PCDHGA5: variants seen among roughly 807,000 people sequenced by gnomAD.
PCDHGA5 encodes protocadherin gamma-A5.
A neutral mutation model predicts 56.7 loss-of-function variants in PCDHGA5; 36 were observed. The observed-to-expected ratio is 0.64, with a 90% CI of 0.49 to 0.84. The LOEUF (loss-of-function observed/expected upper bound fraction) is 0.84, where lower values mean the gene tolerates loss of function less well. Among genes scored for constraint, PCDHGA5 ranks in the 40% least tolerant of loss-of-function variants. PCDHGA5 has a pLI of 0.00. For missense variants in PCDHGA5, 1,305 were observed against 1,201.5 expected, an observed-to-expected ratio of 1.09 and a Z score of -1.27; for synonymous variants, 563 against 520.2, an observed-to-expected ratio of 1.08 and a Z score of -1.12.
In PCDHGA5 at chr5:141,431,931, C is replaced by T. The variant is rs2097430107; in HGVS notation, c.2422-62876C>T. ...ATCTGTTTCATCCAAGGAAATCTGCCCTTTAAATTAGAAAAATCTTACGGA... is the reference window on the plus strand; with the variant it reads ...ATCTGTTTCATCCAAGGAAATCTGCTCTTTAAATTAGAAAAATCTTACGGA... On this transcript the variant is annotated intron_variant, in intron 1 of 3. Transcript: ENST00000518069. This position sits in a 1 kb window ranked among gnomAD's most constrained non-coding sequence, Gnocchi z 4.8. The T allele has an allele frequency of 6.2e-7, 1 of 1,613,924 alleles. No homozygotes were observed. Among genetic ancestry groups the T allele is most frequent in the Admixed American group, 1.7e-5 (1 of 59,986 alleles).
intron 1 of PCDHGA5, among the ~76,000 whole-genome samples, chr5:141,447,787 T>C (rs1025269338): frequency 1.3e-5 from 2 of 152,106 alleles, no homozygotes; most frequent in Non-Finnish European, 2.9e-5. Context: ...TGAAAATAAA[T>C]TTAAGAAAAT....
Position 141,491,797 on chromosome 5 carries a change from G to C in PCDHGA5, c.2422-3010G>C, listed in dbSNP as rs537755017. The C allele has an allele frequency of 7.9e-5, 119 of 1,506,700 alleles. No homozygotes were observed. In the Admixed American group the frequency reaches 1.4e-3, roughly 18 times the overall value. 93.3% of individuals were successfully genotyped at this position (1,506,700 alleles called of 1,614,324 possible). On this transcript the variant is annotated intron_variant, in intron 1 of 3. Coordinates refer to ENST00000518069, the MANE Select transcript of PCDHGA5 (RefSeq NM_018918.3). The surrounding 1 kb of genome is among the most constrained non-coding windows in gnomAD (Gnocchi z 6.9). The stretch of plus-strand genomic sequence containing the variant: ...ATTGAACTTGCATCCACTCCTCTCC[G>C]GCCGGCTTGGTCGCTGGCTGCGCTC...
chr5:141,404,240 C>T, intron 1 of PCDHGA5: 1 of 1,613,660 alleles, frequency 6.2e-7, no homozygotes, highest in East Asian at 2.2e-5. Context: ...CAGAGGAACT[C>T]CGCCCCTGTC....
chr5:141,371,752 A>G, intron 1 of PCDHGA5: 1 of 1,614,006 alleles, frequency 6.2e-7, no homozygotes, highest in Non-Finnish European at 8.5e-7. Flanking sequence ...CCCGTTTTCC[A>G]CCAGGCCTCC....
At chr5:141,402,580 T>C (rs1217508250) in intron 1 of PCDHGA5, among the ~76,000 whole-genome samples, 3 of 152,226 alleles carry the variant, frequency 2.0e-5, no homozygotes, top group South Asian at 4.1e-4. Context: ...CTCAGATATC[T>C]AAAAAATAGA....
rs1764180285 is a variant in PCDHGA5, at chr5:141,365,877, C to G, written c.1547C>G (p.Ala516Gly). 1.2e-6 allele frequency: 2 copies of G among 1,614,008 alleles called. No homozygotes were observed. The highest frequency in any genetic ancestry group is 4.5e-5 in the East Asian group (2 of 44,904). The change falls in exon 1 of 4, where the codon GCT (alanine) becomes GGT (glycine). Residue 516 changes from alanine (A) to glycine (G), a missense_variant. Transcript: ENST00000518069. Reference protein sequence around the residue: ...SINSDTGVLYALRSFDYEQLR... With the variant: ...SINSDTGVLYGLRSFDYEQLR... ...AACTCTGACACCGGTGTCCTGTATGCTCTGAGATCCTTCGACTATGAGCAG... is the reference window on the plus strand; with the variant it reads ...AACTCTGACACCGGTGTCCTGTATGGTCTGAGATCCTTCGACTATGAGCAG...
rs1297266733 is a variant in PCDHGA5 at position 141,366,482 on chromosome 5, C to T, written c.2152C>T (p.Arg718Cys). 5 of 1,614,124 alleles carry T rather than the reference C, an allele frequency of 3.1e-6. No homozygotes were observed. In the African/African-American group the frequency reaches 6.7e-5, roughly 22 times the overall value. The change falls in exon 1 of 4, where the codon CGC becomes TGC. Residue 718 changes from arginine (R) to cysteine (C), a missense_variant. Coordinates refer to ENST00000518069, the MANE Select transcript of PCDHGA5 (RefSeq NM_018918.3). ...CGTGCTGCTGGTGCTCAGACTGAGG[C>T]GCTGGCACAAGTCACGCCTGCTTCA... The part of the protein sequence containing the change: ...VIVLLVLRLR[R>C]WHKSRLLQAE...
intron 1 of PCDHGA5, chr5:141,377,597 C>G (rs935154854): frequency 2.6e-4 from 37 of 142,848 alleles, no homozygotes; most frequent in African/African-American, 9.9e-4. Context: ...CTTTTTCTCT[C>G]TCTCTCTCAA....
chr5:141,496,783 C>T (rs572860852), intron 2 of PCDHGA5, among the ~76,000 whole-genome samples: 1 of 152,162 alleles, frequency 6.6e-6, no homozygotes, highest in East Asian at 1.9e-4. Context: ...GAGCAGGGCC[C>T]TGTGCTAAAC....
Position 141,432,670 on chromosome 5 carries a change from G to A in PCDHGA5, c.2422-62137G>A, listed in dbSNP as rs749221752. ...CGCGAGCCCTGCTGGACAGAGACGC[G>A]CTCAAGCAGAGCCTCGTAGTGGCCG... On this transcript the variant is annotated intron_variant, in intron 1 of 3. Coordinates refer to ENST00000518069, the MANE Select transcript of PCDHGA5 (RefSeq NM_018918.3). The surrounding 1 kb of genome is among the most constrained non-coding windows in gnomAD (Gnocchi z 6.0). The A allele has an allele frequency of 6.8e-6, 11 of 1,613,748 alleles. No individual in the cohort carries two copies. The East Asian group carries it at 1.8e-4, about 26-fold the overall frequency.
At chr5:141,420,234 T>G (rs766733064) in intron 1 of PCDHGA5, 1 of 1,600,030 alleles carries the variant, frequency 6.2e-7, no homozygotes, top group Non-Finnish European at 8.5e-7. Flanking sequence ...GCTAGCATTT[T>G]AACTCCCAGC....
chr5:141,458,578 TG>T, intron 1 of PCDHGA5, among the ~76,000 whole-genome samples: 1 of 152,138 alleles, frequency 6.6e-6, no homozygotes. Context: ...TTTGTTTGTT[TG>T]TTTGTTTTGG....
rs560662076 is a variant in PCDHGA5, at chr5:141,498,856, C to A, written c.2480+3991C>A. Among the ~76,000 whole-genome samples, 72 of 152,004 alleles carry A rather than the reference C, an allele frequency of 4.7e-4. 2 individuals carry two copies. Among genetic ancestry groups the A allele is most frequent in the African/African-American group, 1.7e-3 (69 of 41,430 alleles). ...GCTGAGGCAGGGGAATCGCTTGAACCCAGGAGGCGGAGGTTGCAGTGAGCT... is the reference window on the plus strand; with the variant it reads ...GCTGAGGCAGGGGAATCGCTTGAACACAGGAGGCGGAGGTTGCAGTGAGCT... On this transcript the variant is annotated intron_variant, in intron 2 of 3. Coordinates refer to ENST00000518069, the MANE Select transcript of PCDHGA5 (RefSeq NM_018918.3).
intron 3 of PCDHGA5, among the ~76,000 whole-genome samples, chr5:141,509,044 C>G (rs1385744160): frequency 1.3e-5 from 2 of 152,130 alleles, no homozygotes. Flanking sequence ...CCCTCTCCCC[C>G]GCCCCCAGAA....
chr5:141,451,182 C>T (rs2154563496), intron 1 of PCDHGA5, among the ~76,000 whole-genome samples: 1 of 152,226 alleles, frequency 6.6e-6, no homozygotes, highest in Non-Finnish European at 1.5e-5. Flanking sequence ...TTAGCCATTG[C>T]TGTGTAACAA....
At chr5:141,376,311 T>C (rs376213960) in intron 1 of PCDHGA5, 29 of 1,613,880 alleles carry the variant, frequency 1.8e-5, no homozygotes, top group Non-Finnish European at 2.4e-5. Flanking sequence ...TTTGTGGGCG[T>C]GGAAGGGGTT....
At position 141,493,332 on chromosome 5, in the gene PCDHGA5, C is replaced by T. The variant is rs2099747680; in HGVS notation, c.2422-1475C>T. 6.6e-6 allele frequency among the ~76,000 whole-genome samples: 1 copy of T among 152,210 alleles called. No homozygotes were observed. The highest frequency in any genetic ancestry group is 1.5e-5 in the Non-Finnish European group (1 of 68,036). Reference sequence around the variant, plus strand: ...AAGAGAGATTCTAACCCCTGTCTAACTCCAGAATGTGTGCTTTTAATTTCT... The same window carrying T: ...AAGAGAGATTCTAACCCCTGTCTAATTCCAGAATGTGTGCTTTTAATTTCT... On this transcript the variant is annotated intron_variant, in intron 1 of 3. Transcript: ENST00000518069. This position sits in a 1 kb window ranked among gnomAD's most constrained non-coding sequence, Gnocchi z 4.3.
intron 1 of PCDHGA5, chr5:141,441,986 C>A (rs2098288559): frequency 1.1e-5 from 3 of 269,098 alleles, no homozygotes; most frequent in South Asian, 7.5e-5. Context: ...GAATGCGCAC[C>A]GACGAGGTGC....
chr5:141,413,762 C>T (rs538764130), intron 1 of PCDHGA5: 3 of 1,612,894 alleles, frequency 1.9e-6, no homozygotes, highest in Admixed American at 1.7e-5. Flanking sequence ...GTCAAGTACC[C>T]GGAGCTGGTA....
Sources: gnomAD v4.1 joint callset for allele counts (sites outside exome capture counted in the v4.1 genomes callset) on GRCh38, gnomAD v4.1.1 for gene constraint, Gnocchi (gnomAD v3.1) non-coding constraint, MANE v1.5 for transcripts, NCBI Gene and HGNC (gene_info 2026-07-23, HGNC 2026-07-21) for gene names.